The following PADI6 variants were observed in gnomAD, a reference collection of about 807,000 sequenced individuals.
The protein encoded by PADI6 is peptidyl arginine deiminase 6, also known as inactive protein-arginine deiminase type-6.
PADI6 carries 66 observed loss-of-function variants against 78.2 expected under a neutral mutation model. That is an observed-to-expected ratio of 0.84 (90% CI 0.69 to 1.04). PADI6 has a LOEUF of 1.04. Ranked by LOEUF, PADI6 falls within the 50% of genes least tolerant of loss-of-function variation. PADI6 has a pLI of 0.00. For missense variants in PADI6, 854 were observed against 866.1 expected, an observed-to-expected ratio of 0.99 and a Z score of 0.18; for synonymous variants, 397 against 346.9, an observed-to-expected ratio of 1.14 and a Z score of -1.60.
At chr1:17,376,181 G>T (rs1029450351) in intron 3 of PADI6, among the ~76,000 whole-genome samples, 1 of 151,210 alleles carries the variant, frequency 6.6e-6, no homozygotes, top group African/African-American at 2.4e-5. Flanking sequence ...CACCATGTTG[G>T]CCAGGCTGGT....
intron 3 of PADI6, among the ~76,000 whole-genome samples, chr1:17,377,198 G>T (rs1204864): frequency 0.034 from 5,169 of 151,938 alleles, 102 homozygotes; most frequent in Non-Finnish European, 0.04. Flanking sequence ...ATATTGCCCA[G>T]CCTGGTCTCA....
chr1:17,401,541 G>A lies in PADI6; in HGVS notation c.*103G>A, dbSNP rs1327467507. 1 of 1,079,810 alleles carries A rather than the reference G, an allele frequency of 9.3e-7. No homozygotes were observed. Among genetic ancestry groups the A allele is most frequent in the Non-Finnish European group, 1.3e-6 (1 of 751,646 alleles). 66.9% of individuals were successfully genotyped at this position (1,079,810 alleles called of 1,614,324 possible). Reference sequence around the variant, plus strand: ...CAGTAGAGGAGGCTGGAGAGTCCAGGCAACAGAACCCTTTCTTCCCTGTCT... The same window carrying A: ...CAGTAGAGGAGGCTGGAGAGTCCAGACAACAGAACCCTTTCTTCCCTGTCT... On this transcript the variant is annotated 3_prime_UTR_variant, in exon 16 of 16. Coordinates refer to ENST00000619609, the MANE Select transcript of PADI6 (RefSeq NM_207421.4).
intron 14 of PADI6, among the ~76,000 whole-genome samples, chr1:17,397,947 C>A (rs2075262497): frequency 6.6e-6 from 1 of 152,134 alleles, no homozygotes; most frequent in East Asian, 1.9e-4. Flanking sequence ...TCAATGCTTT[C>A]TGGATGAAGT....
Position 17,386,926 on chromosome 1 carries a change from G to A in PADI6, c.680-1455G>A, listed in dbSNP as rs534654862. 2.4e-4 allele frequency among the ~76,000 whole-genome samples: 36 copies of A among 152,352 alleles called. No homozygotes were observed. In the South Asian group the frequency reaches 6.6e-3, roughly 28 times the overall value. On this transcript the variant is annotated intron_variant, in intron 6 of 15. Coordinates refer to ENST00000619609, the MANE Select transcript of PADI6 (RefSeq NM_207421.4). The stretch of plus-strand genomic sequence containing the variant: ...GGAGATGGAGGCAGCTGGCAGTGCC[G>A]TGCAGAAGGTCTGAGGATGCTACAG...
intron 15 of PADI6, among the ~76,000 whole-genome samples, chr1:17,399,229 G>A (rs1201732485): frequency 6.6e-6 from 1 of 152,238 alleles, no homozygotes; most frequent in Non-Finnish European, 1.5e-5. Flanking sequence ...ACCTACCTCA[G>A]GGTGGGTCTT....
chr1:17,372,456 C>G (rs1038395267), intron 1 of PADI6, 95 bp downstream of exon 1: 1 of 1,152,024 alleles, frequency 8.7e-7, no homozygotes, highest in African/African-American at 1.5e-5. Context: ...GGTTACTTCT[C>G]TAGCCTCACT....
chr1:17,378,536 T>G (rs1243719228), intron 3 of PADI6, among the ~76,000 whole-genome samples: 2 of 152,164 alleles, frequency 1.3e-5, no homozygotes, highest in African/African-American at 4.8e-5. Flanking sequence ...GGAGGTGGTA[T>G]GCTAAGGAGG....
In PADI6 at chr1:17,395,561, A is replaced by AGC; in HGVS notation, c.1517_1518dup (p.Pro507AlafsTer50). The AGC allele has an allele frequency of 6.4e-7, 1 of 1,561,430 alleles. No individual in the cohort carries two copies. The highest frequency in any genetic ancestry group is 1.4e-5 in the African/African-American group (1 of 73,728). On this transcript the variant is annotated frameshift_variant, in exon 13 of 16. Transcript: ENST00000619609. LOFTEE classifies it high-confidence loss of function. ...CCAGGGCTTCCTGCTGCTCCTGGCC[A>AGC]GCCCCAGTGCCTGCTATAAACTGTT...
At chr1:17,386,154 T>C (rs1535876) in intron 6 of PADI6, among the ~76,000 whole-genome samples, 98,111 of 151,820 alleles carry the variant, frequency 0.65, 31,772 homozygotes, top group South Asian at 0.67. Context: ...TTGTGTGTAC[T>C]TGGGTCGCAG....
chr1:17,372,378 T>C lies in PADI6; in HGVS notation c.116+17T>C. 1 of 1,611,930 alleles carries C rather than the reference T, an allele frequency of 6.2e-7. No homozygotes were observed. Among genetic ancestry groups the C allele is most frequent in the Non-Finnish European group, 8.5e-7 (1 of 1,178,100 alleles). On this transcript the variant is annotated intron_variant, in intron 1 of 15. Transcript: ENST00000619609. ...TCTCAGCGGGTGAGATGCTGGGAGC[T>C]CTGCCAGAGGTGGCAGGCAGACAGG...
chr1:17,378,422 G>A (rs1049196293), intron 3 of PADI6, among the ~76,000 whole-genome samples: 2 of 152,152 alleles, frequency 1.3e-5, no homozygotes, highest in African/African-American at 4.8e-5. Flanking sequence ...TCCTGCGTTC[G>A]TGGCCCTGAT....
At chr1:17,387,682 C>T (rs1477968955) in intron 6 of PADI6, among the ~76,000 whole-genome samples, 1 of 152,142 alleles carries the variant, frequency 6.6e-6, no homozygotes, top group Non-Finnish European at 1.5e-5. Flanking sequence ...ATCCAGGAGG[C>T]AAAGCTTACA....
chr1:17,388,851 C>T lies in PADI6; in HGVS notation c.933C>T (p.Thr311=), dbSNP rs1196722506. 6.2e-7 allele frequency: 1 copy of T among 1,613,682 alleles called. No homozygotes were observed. The highest frequency in any genetic ancestry group is 1.3e-5 in the African/African-American group (1 of 75,024). The stretch of plus-strand genomic sequence containing the variant: ...CTCCCTGTGTCTTCATTCCCTGTAC[C>T]CAGGTGCCTCTGGAGGTTTACCTGT... ...RVAPCVFIPC[T]QVPLEVYLCR... is the part of the protein sequence containing the mutation. Residue 311 remains threonine, a synonymous_variant, in exon 8 of 16, where the codon ACC becomes ACT. Transcript: ENST00000619609.
chr1:17,390,849 GTTC>G (rs1285416718), intron 8 of PADI6, among the ~76,000 whole-genome samples: 1 of 152,156 alleles, frequency 6.6e-6, no homozygotes, highest in Non-Finnish European at 1.5e-5. Context: ...GCATCTACTT[GTTC>G]TTCAAAGAAA....
In PADI6 at chr1:17,388,445, C is replaced by T; in HGVS notation, c.744C>T (p.Leu248=). 1.2e-6 allele frequency: 2 copies of T among 1,613,832 alleles called. No homozygotes were observed. Among genetic ancestry groups the T allele is most frequent in the Non-Finnish European group, 1.7e-6 (2 of 1,179,814 alleles). Residue 248 remains leucine, a synonymous_variant, in exon 7 of 16, where the codon CTC becomes CTT. Transcript: ENST00000619609. The part of the protein sequence containing the change: ...GPDQHAYTLA[L]LGNHLKETFY... ...ACCAGCACGCCTATACCTTGGCCCT[C>T]CTCGGGAACCACTTGAAGGAGACTT...
chr1:17,395,127 G>GA lies in PADI6; in HGVS notation c.1494+22dup. 1 of 1,608,288 alleles carries GA rather than the reference G, an allele frequency of 6.2e-7. No homozygotes were observed. Among genetic ancestry groups the GA allele is most frequent in the Non-Finnish European group, 8.5e-7 (1 of 1,176,106 alleles). The stretch of plus-strand genomic sequence containing the variant: ...AAAAAGGTCTGCTTTGGGGTCTGGA[G>GA]AAGGGACATCTGACCCTTGCCTTCT... On this transcript the variant is annotated intron_variant, in intron 12 of 15. Transcript: ENST00000619609.
At chr1:17,398,662 C>CACACCCA in intron 14 of PADI6, 24 bp from the exon 15 acceptor site, 1 of 118,654 alleles carries the variant, frequency 8.4e-6, no homozygotes, top group Non-Finnish European at 1.7e-5. Context: ...CCGCCCCCCC[C>CACACCCA]CCCACCCACC....
At chr1:17,399,202 C>T (rs1335278765) in intron 15 of PADI6, among the ~76,000 whole-genome samples, 1 of 152,250 alleles carries the variant, frequency 6.6e-6, no homozygotes, top group Admixed American at 6.5e-5. Flanking sequence ...CATCTGCCAG[C>T]AGCGAGGCCT....
intron 15 of PADI6, 29 bp from the exon 16 acceptor site, chr1:17,401,176 A>G (rs2075297801): frequency 1.2e-6 from 2 of 1,607,654 alleles, no homozygotes; most frequent in South Asian, 1.1e-5. Context: ...ATCCCTGTCC[A>G]GGCCTCACCC....
Sources: gnomAD v4.1 joint callset for allele counts (sites outside exome capture counted in the v4.1 genomes callset) on GRCh38, gnomAD v4.1.1 for gene constraint, MANE v1.5 for transcripts, NCBI Gene and HGNC (gene_info 2026-07-23, HGNC 2026-07-21) for gene names.